The following MTUS2 variants were observed in gnomAD, a reference collection of about 807,000 sequenced individuals.
MTUS2 encodes microtubule-associated tumor suppressor candidate 2.
A neutral mutation model predicts 114.1 loss-of-function variants in MTUS2; 40 were observed. That is an observed-to-expected ratio of 0.35 (90% confidence interval 0.27 to 0.46). The LOEUF is 0.46. Among genes scored for constraint, MTUS2 ranks in the 20% least tolerant of loss-of-function variants. The pLI is 1.00. For missense variants in MTUS2, 1,679 were observed against 1,705.4 expected (o/e 0.98, Z 0.27); for synonymous variants, 688 against 672.0 (o/e 1.02, Z -0.37).
At chr13:29,234,045 T>A (rs1386686098) in intron 5 of MTUS2, among the ~76,000 whole-genome samples, 1 of 151,956 alleles carries the variant, frequency 6.6e-6, no homozygotes, top group Admixed American at 6.6e-5. Flanking sequence ...AGGTCAAGAG[T>A]CAGTCATGAT....
chr13:29,456,864 A>G lies in MTUS2; in HGVS notation c.3184+16815A>G, dbSNP rs113714886. 6.9e-3 allele frequency among the ~76,000 whole-genome samples: 1,053 copies of G among 152,290 alleles called. 8 individuals are homozygous for G. The highest frequency in any genetic ancestry group is 0.015 in the African/African-American group (641 of 41,572). On this transcript the variant is annotated intron_variant, in intron 9 of 15. Transcript: ENST00000612955. ...ATAAATATAAAAGACTAGGCCGGGC[A>G]CGGTGGCTCACGCCTGTAATCCCAG...
At chr13:29,361,227 A>T (rs908689354) in intron 8 of MTUS2, among the ~76,000 whole-genome samples, 1 of 152,160 alleles carries the variant, frequency 6.6e-6, no homozygotes, top group East Asian at 1.9e-4. Flanking sequence ...AGGCATCTCC[A>T]CTGGACCTCT....
intron 5 of MTUS2, among the ~76,000 whole-genome samples, chr13:29,264,443 G>A (rs1056845059): frequency 5.9e-5 from 9 of 152,240 alleles, no homozygotes; most frequent in African/African-American, 1.9e-4. Flanking sequence ...GCTCCCCCAG[G>A]CAGTGCCCCA....
At chr13:29,444,382 G>A (rs1332048752) in intron 9 of MTUS2, among the ~76,000 whole-genome samples, 1 of 152,202 alleles carries the variant, frequency 6.6e-6, no homozygotes, top group Non-Finnish European at 1.5e-5. Flanking sequence ...AGTGAGCCGA[G>A]ATTGCGCCAT....
chr13:29,064,247 G>A (rs921056701), intron 4 of MTUS2, among the ~76,000 whole-genome samples: 50 of 152,178 alleles, frequency 3.3e-4, no homozygotes, highest in African/African-American at 1.2e-3. Context: ...GCAGAGGCAT[G>A]GAGATTTGCA....
intron 8 of MTUS2, among the ~76,000 whole-genome samples, chr13:29,400,346 A>G (rs952679228): frequency 6.6e-6 from 1 of 152,228 alleles, no homozygotes; most frequent in Non-Finnish European, 1.5e-5. Context: ...CTCCAGTGAC[A>G]TGGTGGGGGG....
chr13:29,161,350 T>C (rs1483497232), intron 5 of MTUS2, among the ~76,000 whole-genome samples: 2 of 152,066 alleles, frequency 1.3e-5, no homozygotes, highest in Admixed American at 6.5e-5. Flanking sequence ...ATGTGAGTGA[T>C]ATAATTGAAG....
chr13:29,171,225 A>G (rs1008845358), intron 5 of MTUS2, among the ~76,000 whole-genome samples: 2 of 152,144 alleles, frequency 1.3e-5, no homozygotes, highest in African/African-American at 4.8e-5. Flanking sequence ...GGCTAACAAG[A>G]ACCATTTTTT....
At chr13:29,127,429 A>G (rs1182226013) in intron 5 of MTUS2, among the ~76,000 whole-genome samples, 1 of 152,240 alleles carries the variant, frequency 6.6e-6, no homozygotes, top group African/African-American at 2.4e-5. Flanking sequence ...TGACTTTAAG[A>G]AAAAGAAGTT....
intron 4 of MTUS2, among the ~76,000 whole-genome samples, chr13:29,080,155 G>A (rs1889378025): frequency 6.6e-6 from 1 of 152,090 alleles, no homozygotes; most frequent in South Asian, 2.1e-4. Context: ...GTGGACATAG[G>A]TGGATTCGTA....
intron 3 of MTUS2, among the ~76,000 whole-genome samples, chr13:29,027,702 C>T (rs1886624469): frequency 6.6e-6 from 1 of 152,162 alleles, no homozygotes; most frequent in Non-Finnish European, 1.5e-5. Context: ...CAGGCGCCCG[C>T]CACCGCGCCT....
intron 8 of MTUS2, among the ~76,000 whole-genome samples, chr13:29,401,244 C>T (rs181108427): frequency 3.3e-4 from 50 of 152,266 alleles, no homozygotes; most frequent in Admixed American, 6.5e-5. Flanking sequence ...CCTCGGGTGA[C>T]GCACCCACCT....
At chr13:29,089,688 C>T (rs541496359) in intron 4 of MTUS2, among the ~76,000 whole-genome samples, 6 of 152,262 alleles carry the variant, frequency 3.9e-5, no homozygotes, top group Admixed American at 6.5e-5. Context: ...TTCAAAGGAG[C>T]GGTGTTCAAG....
At chr13:29,343,642 A>G (rs923112338) in intron 7 of MTUS2, among the ~76,000 whole-genome samples, 4 of 151,742 alleles carry the variant, frequency 2.6e-5, no homozygotes, top group Admixed American at 2.6e-4. Flanking sequence ...TTGTCTTTCA[A>G]TTTTATTTAG....
At chr13:28,854,080 C>T (rs1876471853) in intron 2 of MTUS2, among the ~76,000 whole-genome samples, 1 of 152,172 alleles carries the variant, frequency 6.6e-6, no homozygotes, top group Non-Finnish European at 1.5e-5. Flanking sequence ...GAGGGACTTG[C>T]TATTCAAAGC....
At chr13:29,431,654 A>G (rs1461883925) in intron 8 of MTUS2, among the ~76,000 whole-genome samples, 1 of 152,200 alleles carries the variant, frequency 6.6e-6, no homozygotes, top group Non-Finnish European at 1.5e-5. Flanking sequence ...AATGGGTGGA[A>G]TTTTATTAAA....
intron 5 of MTUS2, among the ~76,000 whole-genome samples, chr13:29,194,481 AAC>A (rs1348826010): frequency 3.9e-5 from 6 of 152,328 alleles, no homozygotes; most frequent in Non-Finnish European, 7.3e-5. Context: ...GCAGCCAAAA[AAC>A]ACATGAAAAA....
At chr13:29,031,270 G>GTGTGTGTGTGGT (rs1555287201) in intron 3 of MTUS2, among the ~76,000 whole-genome samples, 22 of 22,402 alleles carry the variant, frequency 9.8e-4, no homozygotes, top group African/African-American at 2.3e-3. Context: ...GTGTGTGTGT[G>GTGTGTGTGTGGT]GTGTGTGTTC....
chr13:29,270,755 C>T (rs2139501688), intron 5 of MTUS2, among the ~76,000 whole-genome samples: 1 of 152,340 alleles, frequency 6.6e-6, no homozygotes, highest in South Asian at 2.1e-4. Context: ...CGAGCAGCTG[C>T]TGCTCCTTAT....
Sources: gnomAD v4.1 joint callset for allele counts (sites outside exome capture counted in the v4.1 genomes callset) on GRCh38, gnomAD v4.1.1 for gene constraint, MANE v1.5 for transcripts, NCBI Gene and HGNC (gene_info 2026-07-23, HGNC 2026-07-21) for gene names.